The following WWTR1 variants were observed in gnomAD, a reference collection of about 807,000 sequenced individuals.
WWTR1 encodes the protein WW domain containing transcription regulator 1.
Under a neutral mutation model 40.1 loss-of-function variants are expected in WWTR1, and 13 were observed. That is an observed-to-expected ratio of 0.32 (90% confidence interval 0.21 to 0.52). WWTR1 has a LOEUF of 0.52. WWTR1 is among the 20% of genes least tolerant of loss of function. The pLI is 0.97. For missense variants in WWTR1, 436 were observed against 523.1 expected (o/e 0.83, Z 1.63); for synonymous variants, 230 against 210.1 (o/e 1.09, Z -0.82).
intron 2 of WWTR1, among the ~76,000 whole-genome samples, chr3:149,625,971 C>T (rs917359949): frequency 1.3e-5 from 2 of 152,150 alleles, no homozygotes; most frequent in Admixed American, 6.5e-5. Context: ...CCTTCCTAGA[C>T]GTCTGACACC....
intron 1 of WWTR1, among the ~76,000 whole-genome samples, chr3:149,693,976 A>G (rs1452674595): frequency 1.3e-5 from 2 of 152,248 alleles, no homozygotes; most frequent in Non-Finnish European, 2.9e-5. Context: ...CCAAGCAACC[A>G]AAGCAAAAAT....
At chr3:149,644,666 T>A (rs934525741) in intron 2 of WWTR1, among the ~76,000 whole-genome samples, 1 of 152,174 alleles carries the variant, frequency 6.6e-6, no homozygotes, top group Non-Finnish European at 1.5e-5. Context: ...CTTCCCACAA[T>A]GCAAAAACAA....
intron 2 of WWTR1, among the ~76,000 whole-genome samples, chr3:149,627,553 A>G (rs950219195): frequency 2.0e-5 from 3 of 152,200 alleles, no homozygotes; most frequent in African/African-American, 4.8e-5. Flanking sequence ...ATAGGTGGTG[A>G]TAACTGAAGA....
At chr3:149,700,892 C>T (rs1218278424) in intron 1 of WWTR1, among the ~76,000 whole-genome samples, 1 of 152,166 alleles carries the variant, frequency 6.6e-6, no homozygotes, top group Non-Finnish European at 1.5e-5. Context: ...AGGTAACAAG[C>T]CCAATACAAC....
chr3:149,591,881 A>G (rs887202560), intron 2 of WWTR1, among the ~76,000 whole-genome samples: 7 of 150,870 alleles, frequency 4.6e-5, no homozygotes, highest in Admixed American at 3.3e-4. Flanking sequence ...AATGTGAGAA[A>G]CATTGCGGGA....
chr3:149,521,093 C>T (rs906305909), intron 6 of WWTR1, 104 bp from the exon 7 acceptor site: 6 of 1,290,828 alleles, frequency 4.6e-6, no homozygotes, highest in Non-Finnish European at 4.2e-6. Flanking sequence ...TCTTCAACTA[C>T]CACATTATTG....
chr3:149,634,188 A>G (rs1711695145), intron 2 of WWTR1, among the ~76,000 whole-genome samples: 1 of 152,198 alleles, frequency 6.6e-6, no homozygotes. Context: ...CTGGGCCCAG[A>G]CTGCCCAAGT....
chr3:149,613,926 T>C (rs148369608), intron 2 of WWTR1, among the ~76,000 whole-genome samples: 69 of 151,666 alleles, frequency 4.5e-4, no homozygotes, highest in African/African-American at 1.5e-3. Flanking sequence ...AAAAAAAAAT[T>C]GTAAAATGCA....
rs548961814 is a variant in WWTR1 at position 149,518,255 on chromosome 3, T to C, written c.*2550A>G. 1 of 152,226 alleles carries C rather than the reference T, an allele frequency of 6.6e-6. No homozygotes were observed. Among genetic ancestry groups the C allele is most frequent in the African/African-American group, 2.4e-5 (1 of 41,580 alleles). The allele number at this position is 152,226 out of a possible 1,614,324, so 9.4% of individuals were successfully genotyped here. A position where few individuals can be genotyped will look rare whatever the true frequency, so the allele number is the denominator to read the frequency against. On this transcript the variant is annotated 3_prime_UTR_variant, in exon 7 of 7. Transcript: ENST00000360632. The stretch of plus-strand genomic sequence containing the variant: ...TAATTTAACTAAAAAAATCTTCTAG[T>C]ATTTTCTGATGCCACAAGCTTACTA...
chr3:149,524,030 G>A (rs1735176905), intron 6 of WWTR1, among the ~76,000 whole-genome samples: 1 of 152,248 alleles, frequency 6.6e-6, no homozygotes. Context: ...TCTTACTGGA[G>A]AAGAGCACTT....
At chr3:149,700,630 A>T (rs560143989) in intron 1 of WWTR1, among the ~76,000 whole-genome samples, 2 of 151,842 alleles carry the variant, frequency 1.3e-5, no homozygotes, top group East Asian at 3.9e-4. Context: ...AAATTGGAGC[A>T]ATAACCAGGA....
intron 1 of WWTR1, among the ~76,000 whole-genome samples, chr3:149,691,483 A>C (rs1206250656): frequency 2.6e-5 from 4 of 152,210 alleles, no homozygotes; most frequent in African/African-American, 9.6e-5. Context: ...AGACATTATA[A>C]CTGATACCAC....
Position 149,597,080 on chromosome 3 carries a change from A to G in WWTR1, c.432-24080T>C, listed in dbSNP as rs942228850. Among the ~76,000 whole-genome samples, 42 of 152,218 alleles carry G rather than the reference A, an allele frequency of 2.8e-4. 1 individual carries two copies. The highest frequency in any genetic ancestry group is 5.0e-4 in the Non-Finnish European group (34 of 68,032). ...TAATAAAGCATGCAAAGCTCTTAACATGGTGCCTAGAACACATAATTGTTT... is the reference window on the plus strand; with the variant it reads ...TAATAAAGCATGCAAAGCTCTTAACGTGGTGCCTAGAACACATAATTGTTT... On this transcript the variant is annotated intron_variant, in intron 2 of 6. Transcript: ENST00000360632.
chr3:149,621,429 T>C (rs2108086342), intron 2 of WWTR1, among the ~76,000 whole-genome samples: 1 of 152,224 alleles, frequency 6.6e-6, no homozygotes, highest in Non-Finnish European at 1.5e-5. Context: ...AGTGCTGTAA[T>C]AAATAAGGCC....
chr3:149,699,043 C>A (rs1036122448), intron 1 of WWTR1, among the ~76,000 whole-genome samples: 10 of 152,382 alleles, frequency 6.6e-5, no homozygotes, highest in East Asian at 1.9e-4. Flanking sequence ...ATGCTAATCT[C>A]TCTAGCAAGT....
chr3:149,687,756 G>C (rs998454567), intron 1 of WWTR1, among the ~76,000 whole-genome samples: 2 of 152,080 alleles, frequency 1.3e-5, no homozygotes, highest in African/African-American at 2.4e-5. Context: ...TTGCAATTTG[G>C]GTACCAGCTC....
chr3:149,686,531 C>A (rs1294811970), intron 1 of WWTR1, among the ~76,000 whole-genome samples: 1 of 152,126 alleles, frequency 6.6e-6, no homozygotes, highest in Non-Finnish European at 1.5e-5. Context: ...AAGACACCAT[C>A]TCTCTCTATA....
chr3:149,643,505 T>C (rs58765146), intron 2 of WWTR1, among the ~76,000 whole-genome samples: 2,329 of 152,296 alleles, frequency 0.015, 40 homozygotes, highest in East Asian at 0.088. Flanking sequence ...CAGTTAGTTA[T>C]AAAACACTGA....
intron 3 of WWTR1, among the ~76,000 whole-genome samples, chr3:149,565,151 C>T (rs576350569): frequency 5.9e-5 from 9 of 152,194 alleles, no homozygotes; most frequent in East Asian, 3.9e-4. Flanking sequence ...CACACCACTG[C>T]GCTCCAGCCA....
Sources: gnomAD v4.1 joint callset for allele counts (sites outside exome capture counted in the v4.1 genomes callset) on GRCh38, gnomAD v4.1.1 for gene constraint, MANE v1.5 for transcripts, NCBI Gene and HGNC (gene_info 2026-07-23, HGNC 2026-07-21) for gene names.